The following POLR2F variants were observed in gnomAD, a reference collection of about 807,000 sequenced individuals.
POLR2F encodes RNA polymerase II, I and III subunit F.
Under a neutral mutation model 22.7 loss-of-function variants are expected in POLR2F, and 12 were observed. That is an observed-to-expected ratio of 0.53 (90% CI 0.34 to 0.86). The LOEUF is 0.86. POLR2F is among the 40% of genes least tolerant of loss of function. POLR2F has a pLI of 0.02. For missense variants in POLR2F, 126 were observed against 171.5 expected (o/e 0.73, Z 1.48); for synonymous variants, 57 against 66.0 (o/e 0.86, Z 0.66).
intron 1 of POLR2F, among the ~76,000 whole-genome samples, chr22:37,955,991 C>T (rs1332312831): frequency 6.6e-6 from 1 of 151,954 alleles, no homozygotes; most frequent in African/African-American, 2.4e-5. Flanking sequence ...AGCTGATTTA[C>T]TTATTAAGTA....
At chr22:38,026,462 C>T in exon 3 of POLR2F, 1 of 389,194 alleles carries the variant, frequency 2.6e-6, no homozygotes, top group South Asian at 1.9e-5. Context: ...CTTCATGATC[C>T]CAGGGCCCTC....
Position 37,961,140 on chromosome 22 carries a change from C to T in POLR2F, c.221+1664C>T, listed in dbSNP as rs370489722. 1.2e-4 allele frequency among the ~76,000 whole-genome samples: 19 copies of T among 152,042 alleles called. No homozygotes were observed. The South Asian group carries it at 1.7e-3, about 13-fold the overall frequency. ...CTGGGAGTACAGGCATGAGCCACCG[C>T]GCCTGGCCGGCTCAAGCAATTTTCT... On this transcript the variant is annotated intron_variant, in intron 3 of 4. Transcript: ENST00000442738.
downstream of POLR2F, chr22:37,974,119 G>A (rs1281716591): frequency 8.1e-6 from 13 of 1,613,010 alleles, no homozygotes; most frequent in East Asian, 1.1e-4. The surrounding 1 kb of genome is among the most constrained non-coding windows in gnomAD (Gnocchi z 5.4). Context: ...TGGAGCGCCC[G>A]TCCCGCTTCG....
intron 1 of POLR2F, among the ~76,000 whole-genome samples, chr22:38,001,032 G>A (rs376180905): frequency 6.6e-6 from 1 of 152,174 alleles, no homozygotes; most frequent in South Asian, 2.1e-4. Flanking sequence ...GGTAGGAAAA[G>A]GAGCAAGTAA....
chr22:37,975,389 G>T (rs139887), intron 4 of POLR2F, among the ~76,000 whole-genome samples: 1 of 151,956 alleles, frequency 6.6e-6, no homozygotes, highest in South Asian at 2.1e-4. Context: ...ATGTCTGAGT[G>T]GGGTGGGGCC....
At chr22:37,966,988 T>G in intron 3 of POLR2F, 111 bp from the exon 4 acceptor site, 2 of 734,324 alleles carry the variant, frequency 2.7e-6, no homozygotes, top group Admixed American at 5.1e-5. Flanking sequence ...CCTGCCTACC[T>G]AGAAGATGAC....
At chr22:38,026,888 G>T (rs1337604582), downstream of POLR2F, among the ~76,000 whole-genome samples, 1 of 151,698 alleles carries the variant, frequency 6.6e-6, no homozygotes, top group Non-Finnish European at 1.5e-5. Context: ...TACCCCGGCT[G>T]CCTCTGAGGC....
At chr22:38,028,288 T>C (rs547032562), downstream of POLR2F, among the ~76,000 whole-genome samples, 103 of 152,266 alleles carry the variant, frequency 6.8e-4, no homozygotes, top group African/African-American at 2.4e-3. Context: ...GCTGCTTTCC[T>C]GCTGCACGGC....
intron 4 of POLR2F, among the ~76,000 whole-genome samples, chr22:37,979,287 G>A (rs1409961380): frequency 6.6e-6 from 1 of 151,388 alleles, no homozygotes; most frequent in Admixed American, 6.6e-5. Context: ...TAGTAGAGAC[G>A]AGGTTTCACC....
At chr22:37,977,583 G>A (rs915046301) in intron 4 of POLR2F, among the ~76,000 whole-genome samples, 17 of 151,842 alleles carry the variant, frequency 1.1e-4, no homozygotes, top group African/African-American at 4.1e-4. Flanking sequence ...GCCTCCCAAA[G>A]TGCTGGGATT....
chr22:38,035,719 C>T (rs894119426), intron 5 of POLR2F, among the ~76,000 whole-genome samples: 1 of 152,182 alleles, frequency 6.6e-6, no homozygotes, highest in Non-Finnish European at 1.5e-5. Context: ...AGGCACCCGC[C>T]GGGCCACTGG....
rs779933527 is a variant in POLR2F, at chr22:37,977,920, C to T, written c.293+10750C>T. On this transcript the variant is annotated intron_variant, in intron 4 of 4. Coordinates refer to the POLR2F transcript ENST00000405557. ...CATGGGGGAGCCCTCTCCTGGGTGC[C>T]GGTGGTCCAAGTGGGCGCTCTTGTA... 5.3e-5 allele frequency: 85 copies of T among 1,613,020 alleles called. No homozygotes were observed. The highest frequency in any genetic ancestry group is 3.3e-4 in the South Asian group (30 of 91,050).
chr22:37,966,347 C>G (rs1569164722), intron 3 of POLR2F, among the ~76,000 whole-genome samples: 1 of 151,294 alleles, frequency 6.6e-6, no homozygotes. Context: ...AGACTGCACT[C>G]TGGCCTGATA....
At chr22:38,019,586 C>T (rs553354724) in intron 1 of POLR2F, among the ~76,000 whole-genome samples, 4 of 152,170 alleles carry the variant, frequency 2.6e-5, no homozygotes, top group Admixed American at 6.5e-5. Flanking sequence ...ATAGATCTGC[C>T]CAAGGCAGAG....
chr22:38,013,075 TTCCTTCCCTTCCTTCCC>T (rs2084885238), intron 1 of POLR2F, among the ~76,000 whole-genome samples: 1 of 19,946 alleles, frequency 5.0e-5, no homozygotes, highest in African/African-American at 5.3e-4. Flanking sequence ...TAGTTATGAC[TTCCTTCCCTTCCTTCCC>T]TTCCTTCCCT....
In POLR2F at chr22:37,986,818, C is replaced by A. The variant is rs1427141846; in HGVS notation, c.120+506C>A. On this transcript the variant is annotated intron_variant, in intron 1 of 2. Transcript: ENST00000333418. The surrounding 1 kb of genome is among the most constrained non-coding windows in gnomAD (Gnocchi z 4.7). ...CAACTGGGATCCCCTCCATCCCATC[C>A]CAGGCCCTGGGAACCCAGTGCTCTC... 2.2e-6 allele frequency: 1 copy of A among 458,786 alleles called. No individual in the cohort carries two copies. The allele number at this position is 458,786 out of a possible 1,614,324, so 28.4% of individuals were successfully genotyped here.
Position 38,011,965 on chromosome 22 carries a change from T to C in POLR2F, c.121-13904T>C, listed in dbSNP as rs1396441870. Among the ~76,000 whole-genome samples the C allele has an allele frequency of 3.9e-5, 6 of 152,002 alleles. No individual in the cohort carries two copies. In the South Asian group the frequency reaches 1.2e-3, roughly 31 times the overall value. On this transcript the variant is annotated intron_variant, in intron 1 of 2. Coordinates refer to the POLR2F transcript ENST00000333418. The stretch of plus-strand genomic sequence containing the variant: ...TCAGCAACATTTATTTATTTAAAAT[T>C]TTATTTCTTTTTTCAGCATAATAAA...
At chr22:37,953,663 A>G, upstream of POLR2F, 1 of 1,178,778 alleles carries the variant, frequency 8.5e-7, no homozygotes, top group Non-Finnish European at 1.2e-6. Flanking sequence ...GCCTCCCGGA[A>G]GTGATTTCCT....
intron 1 of POLR2F, among the ~76,000 whole-genome samples, chr22:38,007,644 C>T (rs1205673236): frequency 6.6e-6 from 1 of 152,204 alleles, no homozygotes; most frequent in Non-Finnish European, 1.5e-5. Flanking sequence ...GAGGGCACCG[C>T]GGGCCTCCAG....
Sources: allele counts gnomAD v4.1 joint callset (sites outside exome capture counted in the v4.1 genomes callset), GRCh38; gene constraint gnomAD v4.1.1; non-coding constraint Gnocchi (gnomAD v3.1); transcripts MANE v1.5; gene names NCBI Gene and HGNC (gene_info 2026-07-23, HGNC 2026-07-21).